ABLIM1: variants seen among roughly 807,000 people sequenced by gnomAD.
ABLIM1 encodes actin-binding LIM protein 1.
Under a neutral mutation model 107.0 loss-of-function variants are expected in ABLIM1, and 40 were observed. The ratio of observed to expected loss-of-function variants is 0.37; its 90% CI spans 0.29 to 0.49. The LOEUF is 0.49. Ranked by LOEUF, ABLIM1 falls within the 20% of genes least tolerant of loss-of-function variation. The probability of loss-of-function intolerance (pLI) is 0.97; values close to 1 mark genes in which losing one functional copy is unlikely to be tolerated. For synonymous variants in ABLIM1, 357 were observed against 357.3 expected (o/e 1.00, Z 0.01); for missense variants, 857 against 1,008.5 (o/e 0.85, Z 2.04).
chr10:114,688,284 C>T (rs2080990165), upstream of ABLIM1, among the ~76,000 whole-genome samples: 1 of 152,138 alleles, frequency 6.6e-6, no homozygotes, highest in Non-Finnish European at 1.5e-5. Context: ...GTTATCAACC[C>T]CTATTACATA....
intron 6 of ABLIM1, among the ~76,000 whole-genome samples, chr10:114,505,740 T>C (rs74158014): frequency 0.029 from 4,371 of 152,296 alleles, 221 homozygotes; most frequent in African/African-American, 0.1. Context: ...ACCATATTGC[T>C]ATCTCTAAAG....
At chr10:114,450,468 T>A (rs1173053946) in intron 14 of ABLIM1, among the ~76,000 whole-genome samples, 1 of 144,060 alleles carries the variant, frequency 6.9e-6, no homozygotes, top group African/African-American at 2.6e-5. Context: ...CAGAGTCTCA[T>A]TCTGTCGCCC....
Position 114,471,629 on chromosome 10 carries a change from A to G in ABLIM1, c.1275+1348T>C, listed in dbSNP as rs533432145. 1.1e-4 allele frequency among the ~76,000 whole-genome samples: 17 copies of G among 152,258 alleles called. 1 individual carries two copies. In the South Asian group the frequency reaches 3.5e-3, roughly 32 times the overall value. The stretch of plus-strand genomic sequence containing the variant: ...ACGCAGAGCTATGCTCTGGAATAAA[A>G]CCCAGATTAGAAAGTAAATAAATAA... On this transcript the variant is annotated intron_variant, in intron 10 of 22. Transcript: ENST00000533213.
intron 1 of ABLIM1, among the ~76,000 whole-genome samples, chr10:114,746,539 A>G (rs2082389662): frequency 6.6e-6 from 1 of 152,230 alleles, no homozygotes; most frequent in Admixed American, 6.5e-5. Flanking sequence ...TAGTGCAGCA[A>G]TGATCATGGG....
chr10:114,525,260 T>C (rs2064496422), intron 6 of ABLIM1, among the ~76,000 whole-genome samples: 1 of 152,206 alleles, frequency 6.6e-6, no homozygotes, highest in Non-Finnish European at 1.5e-5. Flanking sequence ...ATCATGACCA[T>C]CCCTCCAGAA....
At chr10:114,583,452 CACACACACACACACACATATAT>C (rs2073750170) in intron 2 of ABLIM1, among the ~76,000 whole-genome samples, 3 of 26,830 alleles carry the variant, frequency 1.1e-4, no homozygotes, top group African/African-American at 3.7e-4. Context: ...CACACACACA[CACACACACACACACACATATAT>C]ATATATATAT....
intron 1 of ABLIM1, chr10:114,632,147 G>T (rs906431347): frequency 6.1e-6 from 6 of 985,318 alleles, no homozygotes; most frequent in Non-Finnish European, 7.2e-6. Context: ...CCCGCCCGCC[G>T]AGCTGCAGCC....
At chr10:114,490,571 T>C (rs1264861803) in intron 7 of ABLIM1, among the ~76,000 whole-genome samples, 1 of 152,232 alleles carries the variant, frequency 6.6e-6, no homozygotes, top group Non-Finnish European at 1.5e-5. Flanking sequence ...ATAGCTCTTA[T>C]GGGTTTTGCT....
intron 1 of ABLIM1, among the ~76,000 whole-genome samples, chr10:114,724,118 G>C (rs1011878457): frequency 2.6e-5 from 4 of 152,096 alleles, no homozygotes; most frequent in African/African-American, 9.7e-5. Context: ...TTAAAAAGAA[G>C]CTTCCTCATT....
chr10:114,548,184 C>T (rs2067607346), intron 4 of ABLIM1, among the ~76,000 whole-genome samples: 1 of 152,190 alleles, frequency 6.6e-6, no homozygotes, highest in Non-Finnish European at 1.5e-5. Context: ...GCTGATGCCT[C>T]GCCTAACACT....
chr10:114,443,418 T>C (rs1285935266), intron 17 of ABLIM1, among the ~76,000 whole-genome samples: 2 of 151,688 alleles, frequency 1.3e-5, no homozygotes, highest in East Asian at 3.9e-4. Flanking sequence ...GTTCAAGTGA[T>C]TCTCCTGCCT....
chr10:114,491,480 G>C (rs2058994509), intron 7 of ABLIM1, among the ~76,000 whole-genome samples: 1 of 152,092 alleles, frequency 6.6e-6, no homozygotes, highest in Admixed American at 6.5e-5. Context: ...CCTGGGGAGA[G>C]TTGGAGAGGA....
chr10:114,674,222 G>A (rs1245711005), intron 1 of ABLIM1, among the ~76,000 whole-genome samples: 1 of 149,052 alleles, frequency 6.7e-6, no homozygotes, highest in Non-Finnish European at 1.5e-5. Flanking sequence ...CCTGGGAGGT[G>A]AAGGTTACAG....
chr10:114,790,277 G>A, the ABLIM1 span, among the ~76,000 whole-genome samples: 54 of 151,240 alleles, frequency 3.6e-4, 2 homozygotes, highest in South Asian at 0.011. Context: ...TCCCTTTGGA[G>A]TTTTAAAGTG....
chr10:114,775,437 T>A, the ABLIM1 span, among the ~76,000 whole-genome samples: 2 of 152,188 alleles, frequency 1.3e-5, no homozygotes, highest in Non-Finnish European at 2.9e-5. Flanking sequence ...TATTCCTCTG[T>A]TGCTGGATGG....
In ABLIM1 at chr10:114,468,413, T is replaced by G. The variant is rs980443451; in HGVS notation, c.1276-197A>C. On this transcript the variant is annotated intron_variant, in intron 10 of 22. Coordinates refer to ENST00000533213, the MANE Select transcript of ABLIM1 (RefSeq NM_002313.7). ...CCTCAGCCTCCCAAGTAGCTGGGAC[T>G]ACAGGCGCCGCCACCACCCCCAGCT... 4.7e-5 allele frequency: 15 copies of G among 321,668 alleles called. No homozygotes were observed. In the East Asian group the frequency reaches 5.4e-4, roughly 12 times the overall value. 19.9% of individuals were successfully genotyped at this position (321,668 alleles called of 1,614,324 possible).
At chr10:114,516,493 C>T (rs1376913143) in intron 6 of ABLIM1, among the ~76,000 whole-genome samples, 1 of 152,144 alleles carries the variant, frequency 6.6e-6, no homozygotes, top group African/African-American at 2.4e-5. Context: ...CACTGCACTC[C>T]AGCCTGGGTG....
In ABLIM1 at chr10:114,590,681, A is replaced by G. The variant is rs78023795; in HGVS notation, c.379+11146T>C. Among the ~76,000 whole-genome samples the G allele has an allele frequency of 7.7e-3, 1,175 of 152,194 alleles. 14 individuals carry two copies. The highest frequency in any genetic ancestry group is 0.027 in the African/African-American group (1,101 of 41,534). On this transcript the variant is annotated intron_variant, in intron 2 of 22. Coordinates refer to ENST00000533213, the MANE Select transcript of ABLIM1 (RefSeq NM_002313.7). Reference sequence around the variant, plus strand: ...GTTGTAAATACTCTCTCCTGGAAGGAAAGTGAGATCCACCCTTTGCCTTGC... The same window carrying G: ...GTTGTAAATACTCTCTCCTGGAAGGGAAGTGAGATCCACCCTTTGCCTTGC...
chr10:114,709,840 C>T (rs2081508714), intron 1 of ABLIM1, among the ~76,000 whole-genome samples: 1 of 152,100 alleles, frequency 6.6e-6, no homozygotes. Flanking sequence ...TTTGTTGTGA[C>T]TTTTTTCCCT....
Sources: gnomAD v4.1 joint callset for allele counts (sites outside exome capture counted in the v4.1 genomes callset) on GRCh38, gnomAD v4.1.1 for gene constraint, MANE v1.5 for transcripts, NCBI Gene and HGNC (gene_info 2026-07-23, HGNC 2026-07-21) for gene names.